Variants in VKORC1L1 observed in about 807,000 individuals in gnomAD.
VKORC1L1 encodes vitamin K epoxide reductase complex subunit 1L1, also known as vitamin K epoxide reductase complex subunit 1-like protein 1.
A neutral mutation model predicts 18.9 loss-of-function variants in VKORC1L1; 2 were observed. The ratio of observed to expected loss-of-function variants is 0.11; its 90% confidence interval spans 0.04 to 0.33. VKORC1L1 has a LOEUF of 0.33. VKORC1L1 is among the 10% of genes least tolerant of loss of function. VKORC1L1 has a pLI of 1.00. For missense variants in VKORC1L1, 123 were observed against 224.1 expected, an observed-to-expected ratio of 0.55 and a Z score of 2.88; for synonymous variants, 96 against 100.0, an observed-to-expected ratio of 0.96 and a Z score of 0.24.
At chr7:65,867,199 A>AAGAAGG in the VKORC1L1 span, among the ~76,000 whole-genome samples, 4 of 151,808 alleles carry the variant, frequency 2.6e-5, no homozygotes, top group African/African-American at 7.3e-5. Flanking sequence ...AAAAAGAAAG[A>AAGAAGG]AGAAGGAGAA....
chr7:65,956,395 CAACA>C lies in VKORC1L1; in HGVS notation c.*2096_*2099del, dbSNP rs1348634017. 1 of 152,202 alleles carries C rather than the reference CAACA, an allele frequency of 6.6e-6. No homozygotes were observed. Among genetic ancestry groups the C allele is most frequent in the Non-Finnish European group, 1.5e-5 (1 of 68,046 alleles). 9.4% of individuals were successfully genotyped at this position (152,202 alleles called of 1,614,324 possible). A position where few individuals can be genotyped will look rare whatever the true frequency, so the allele number is the denominator to read the frequency against. On this transcript the variant is annotated 3_prime_UTR_variant, in exon 3 of 3. Transcript: ENST00000360768. ...GTTTTTCATCCTATTTTGTATCAAT[CAACA>C]GAGTATAGTTAAAGCTTGTCTTGAT... is the stretch of plus-strand genomic sequence containing the variant.
At chr7:65,870,511 T>C (rs1788713706), upstream of VKORC1L1, among the ~76,000 whole-genome samples, 1 of 152,186 alleles carries the variant, frequency 6.6e-6, no homozygotes, top group Admixed American at 6.5e-5. Context: ...AGCAATTTAA[T>C]TCATGATAGC....
chr7:65,921,971 G>A (rs759115279), intron 1 of VKORC1L1, among the ~76,000 whole-genome samples: 1 of 152,132 alleles, frequency 6.6e-6, no homozygotes. Flanking sequence ...ACAGGCATGA[G>A]CCACCTCATT....
chr7:65,936,956 A>G (rs1030773515), intron 1 of VKORC1L1, among the ~76,000 whole-genome samples: 1 of 152,202 alleles, frequency 6.6e-6, no homozygotes, highest in Admixed American at 6.5e-5. Flanking sequence ...TTCCAGGGAA[A>G]GAGACAGGCT....
intron 1 of VKORC1L1, among the ~76,000 whole-genome samples, chr7:65,898,171 C>T (rs1789249665): frequency 6.8e-6 from 1 of 146,472 alleles, no homozygotes; most frequent in African/African-American, 2.5e-5. Flanking sequence ...TCACTGCAAC[C>T]TCTGCCTCCT....
chr7:65,915,888 A>G (rs1246892278), intron 1 of VKORC1L1, among the ~76,000 whole-genome samples: 1 of 152,046 alleles, frequency 6.6e-6, no homozygotes, highest in Non-Finnish European at 1.5e-5. Flanking sequence ...AGGCGGGCAG[A>G]TCACTTGAGG....
intron 1 of VKORC1L1, among the ~76,000 whole-genome samples, chr7:65,880,844 A>G (rs1418315011): frequency 6.6e-6 from 1 of 152,130 alleles, no homozygotes; most frequent in African/African-American, 2.4e-5. Context: ...TAAACCATGT[A>G]CTCTTGTAAA....
At chr7:65,895,516 T>TATATATATACACACAC (rs370356956) in intron 1 of VKORC1L1, among the ~76,000 whole-genome samples, 3 of 71,588 alleles carry the variant, frequency 4.2e-5, no homozygotes, top group Non-Finnish European at 5.3e-5. Context: ...TATATATATA[T>TATATATATACACACAC]ACACACACAC....
At chr7:65,872,732 G>T (rs2116309977), upstream of VKORC1L1, among the ~76,000 whole-genome samples, 1 of 152,276 alleles carries the variant, frequency 6.6e-6, no homozygotes. Flanking sequence ...GGGAAGATCA[G>T]GTCATAGGTG....
chr7:65,936,293 A>T lies in VKORC1L1; in HGVS notation c.195-12378A>T, dbSNP rs189878806. ...GTCATCTCAGGGTTGACATCTGTTC[A>T]TCATCGTTTGTTTCTCTTGAGAACT... is the stretch of plus-strand genomic sequence containing the variant. On this transcript the variant is annotated intron_variant, in intron 1 of 2. Transcript: ENST00000360768. Among the ~76,000 whole-genome samples the T allele has an allele frequency of 2.3e-3, 346 of 152,252 alleles. 1 individual carries two copies. Among genetic ancestry groups the T allele is most frequent in the Non-Finnish European group, 3.8e-3 (257 of 68,018 alleles).
At chr7:65,922,252 G>A (rs1402788313) in intron 1 of VKORC1L1, among the ~76,000 whole-genome samples, 1 of 149,966 alleles carries the variant, frequency 6.7e-6, no homozygotes, top group Non-Finnish European at 1.5e-5. Flanking sequence ...TATCTTTGCA[G>A]TGCTTCTGTC....
chr7:65,888,676 C>G (rs1185021396), intron 1 of VKORC1L1, among the ~76,000 whole-genome samples: 1 of 152,132 alleles, frequency 6.6e-6, no homozygotes, highest in African/African-American at 2.4e-5. Context: ...TTAACCACTT[C>G]AGTCACATGA....
chr7:65,885,041 C>T (rs1788989525), intron 1 of VKORC1L1, among the ~76,000 whole-genome samples: 1 of 152,120 alleles, frequency 6.6e-6, no homozygotes, highest in African/African-American at 2.4e-5. Context: ...GATTCAAGTT[C>T]AGACAGGCAT....
chr7:65,923,027 ATAAAG>A (rs771227730), intron 1 of VKORC1L1, among the ~76,000 whole-genome samples: 11 of 152,128 alleles, frequency 7.2e-5, no homozygotes, highest in Non-Finnish European at 1.5e-4. Flanking sequence ...TTTGCTGATG[ATAAAG>A]TAGAGCATTT....
intron 1 of VKORC1L1, among the ~76,000 whole-genome samples, chr7:65,886,985 G>A (rs902266566): frequency 6.6e-6 from 1 of 151,026 alleles, no homozygotes; most frequent in Non-Finnish European, 1.5e-5. Context: ...AAGTAGCTGG[G>A]ATTACAGGCG....
intron 1 of VKORC1L1, among the ~76,000 whole-genome samples, chr7:65,883,979 C>G (rs766546929): frequency 1.3e-5 from 2 of 152,138 alleles, no homozygotes; most frequent in Admixed American, 1.3e-4. Context: ...AAAAACTCAT[C>G]GTATTTGAGA....
intron 1 of VKORC1L1, among the ~76,000 whole-genome samples, chr7:65,902,033 C>T (rs2116394425): frequency 6.6e-6 from 1 of 152,268 alleles, no homozygotes; most frequent in East Asian, 1.9e-4. Flanking sequence ...TTTAAAGAAT[C>T]TTACCTGTGT....
At chr7:65,936,842 A>G (rs1439681609) in intron 1 of VKORC1L1, among the ~76,000 whole-genome samples, 1 of 152,174 alleles carries the variant, frequency 6.6e-6, no homozygotes, top group Non-Finnish European at 1.5e-5. Flanking sequence ...ACACAGTTCC[A>G]TGTGACTGGC....
At chr7:65,881,232 C>A (rs577142872) in intron 1 of VKORC1L1, among the ~76,000 whole-genome samples, 26 of 152,290 alleles carry the variant, frequency 1.7e-4, no homozygotes, top group Non-Finnish European at 3.2e-4. Context: ...GGATTTCATA[C>A]ACCTTTGATT....
Sources: allele counts gnomAD v4.1 joint callset (sites outside exome capture counted in the v4.1 genomes callset), GRCh38; gene constraint gnomAD v4.1.1; transcripts MANE v1.5; gene names NCBI Gene and HGNC (gene_info 2026-07-23, HGNC 2026-07-21).